Variants in LAMA2 observed in about 807,000 individuals in gnomAD.
LAMA2 encodes laminin subunit alpha 2.
Under a neutral mutation model 364.8 loss-of-function variants are expected in LAMA2, and 269 were observed. That is an observed-to-expected ratio of 0.74 (90% CI 0.67 to 0.82). The LOEUF is 0.82. Ranked by LOEUF, LAMA2 falls within the 40% of genes least tolerant of loss-of-function variation. The pLI is 0.00. For synonymous variants in LAMA2, 1,379 were observed against 1,370.6 expected (o/e 1.01, Z -0.14); for missense variants, 3,807 against 3,873.2 (o/e 0.98, Z 0.45).
At chr6:128,895,621 T>C (rs972943678) in intron 1 of LAMA2, among the ~76,000 whole-genome samples, 5 of 151,996 alleles carry the variant, frequency 3.3e-5, no homozygotes, top group Admixed American at 1.3e-4. Context: ...GCACTCCAGC[T>C]TGGGCAACAG....
intron 19 of LAMA2, among the ~76,000 whole-genome samples, chr6:129,290,206 C>T (rs926264463): frequency 6.6e-6 from 1 of 152,078 alleles, no homozygotes; most frequent in South Asian, 2.1e-4. Flanking sequence ...AAAGTGACTC[C>T]TAAAGTCTAA....
intron 1 of LAMA2, among the ~76,000 whole-genome samples, chr6:128,884,441 T>C (rs1018592373): frequency 6.6e-6 from 1 of 152,240 alleles, no homozygotes; most frequent in African/African-American, 2.4e-5. Context: ...AGTTTTGAAG[T>C]ATACTTATCC....
chr6:129,451,642 T>A (rs1410236054), intron 45 of LAMA2, among the ~76,000 whole-genome samples: 4 of 152,184 alleles, frequency 2.6e-5, no homozygotes, highest in East Asian at 3.9e-4. Flanking sequence ...GTGGGAGACG[T>A]AACAGATCTT....
intron 12 of LAMA2, among the ~76,000 whole-genome samples, chr6:129,224,689 T>A (rs1361324293): frequency 6.6e-6 from 1 of 152,228 alleles, no homozygotes; most frequent in African/African-American, 2.4e-5. Flanking sequence ...GAAGCCCACT[T>A]GATCGTGGTG....
chr6:129,278,642 G>T (rs370106278), intron 17 of LAMA2, among the ~76,000 whole-genome samples: 1 of 152,042 alleles, frequency 6.6e-6, no homozygotes, highest in Non-Finnish European at 1.5e-5. Flanking sequence ...TTCTTTACTC[G>T]CAGTGCACAC....
chr6:129,206,433 A>C (rs935563017), intron 12 of LAMA2, among the ~76,000 whole-genome samples: 1 of 152,206 alleles, frequency 6.6e-6, no homozygotes, highest in Non-Finnish European at 1.5e-5. Context: ...ATTACAAACT[A>C]TTGCTTTTCT....
At chr6:129,413,449 T>C (rs193151506) in intron 40 of LAMA2, among the ~76,000 whole-genome samples, 1 of 152,232 alleles carries the variant, frequency 6.6e-6, no homozygotes, top group East Asian at 1.9e-4. Flanking sequence ...TATAGAACTC[T>C]ATGTCAACTA....
chr6:129,205,142 C>G (rs574644692), intron 12 of LAMA2, among the ~76,000 whole-genome samples: 1 of 151,964 alleles, frequency 6.6e-6, no homozygotes, highest in Admixed American at 6.6e-5. Context: ...GTAATCCCAG[C>G]ACTTTGGGAG....
intron 28 of LAMA2, among the ~76,000 whole-genome samples, chr6:129,327,046 C>T (rs1775346530): frequency 1.3e-5 from 2 of 151,702 alleles, no homozygotes; most frequent in South Asian, 2.1e-4. Flanking sequence ...ATTATGTCCA[C>T]CATAAGACAA....
intron 7 of LAMA2, among the ~76,000 whole-genome samples, chr6:129,153,199 A>G (rs2114974247): frequency 6.6e-6 from 1 of 152,358 alleles, no homozygotes; most frequent in East Asian, 1.9e-4. Context: ...GGAGGAAGAA[A>G]AGAAGAAAAA....
chr6:129,456,411 T>G lies in LAMA2; in HGVS notation c.6784T>G (p.Ser2262Ala), dbSNP rs752121048. 1 of 1,613,528 alleles carries G rather than the reference T, an allele frequency of 6.2e-7. No homozygotes were observed. The highest frequency in any genetic ancestry group is 8.5e-7 in the Non-Finnish European group (1 of 1,179,578). The change falls in exon 48 of 65, where the codon TCG becomes GCG. Residue 2262 changes from serine to alanine, a missense_variant. This residue lies in a region of LAMA2 where 3,333 missense variants were observed against 3,345.7 expected (regional missense o/e 1.00). Coordinates refer to ENST00000421865, the MANE Select transcript of LAMA2 (RefSeq NM_000426.4). The part of the protein sequence containing the change: ...KASIVPSTHH[S>A]TSPPGYTILD... ...CAGCATTGTGCCCAGCACACACCAT[T>G]CGACGTCTCCTCCAGGGTACACGAT...
chr6:129,177,687 G>A lies in LAMA2; in HGVS notation c.1307-19G>A, dbSNP rs745917723. 2 of 1,612,886 alleles carry A rather than the reference G, an allele frequency of 1.2e-6. No individual in the cohort carries two copies. The highest frequency in any genetic ancestry group is 3.3e-5 in the Admixed American group (2 of 59,916). On this transcript the variant is annotated intron_variant, in intron 9 of 64. Transcript: ENST00000421865. Reference sequence around the variant, plus strand: ...GTACTTGTTTTAGAAATGTTGATATGTGGCTCATCTTTCTTTAGGTTTGGC... The same window carrying A: ...GTACTTGTTTTAGAAATGTTGATATATGGCTCATCTTTCTTTAGGTTTGGC...
At chr6:129,455,607 A>G (rs1342666754) in intron 47 of LAMA2, among the ~76,000 whole-genome samples, 1 of 152,188 alleles carries the variant, frequency 6.6e-6, no homozygotes, top group Non-Finnish European at 1.5e-5. Flanking sequence ...CTCAAAAGAG[A>G]GACCAGATTT....
intron 1 of LAMA2, among the ~76,000 whole-genome samples, chr6:129,010,670 T>C (rs1407777909): frequency 6.6e-6 from 1 of 152,192 alleles, no homozygotes; most frequent in Non-Finnish European, 1.5e-5. Flanking sequence ...TAATGGGCAG[T>C]GGGGAGAGAA....
intron 55 of LAMA2, among the ~76,000 whole-genome samples, chr6:129,482,476 T>C (rs1013689495): frequency 1.3e-5 from 2 of 152,152 alleles, no homozygotes; most frequent in Non-Finnish European, 2.9e-5. Context: ...AATGAAAGGG[T>C]TCATAGGAAT....
chr6:129,196,610 T>A (rs966051161), intron 12 of LAMA2, among the ~76,000 whole-genome samples: 1 of 152,196 alleles, frequency 6.6e-6, no homozygotes, highest in Admixed American at 6.5e-5. Context: ...TCCATAGTCC[T>A]CAAAATTATT....
intron 1 of LAMA2, among the ~76,000 whole-genome samples, chr6:128,975,296 C>A (rs952484614): frequency 2.0e-5 from 3 of 152,084 alleles, no homozygotes. Flanking sequence ...AAGGAAGTGG[C>A]AATTAACCTG....
intron 1 of LAMA2, among the ~76,000 whole-genome samples, chr6:128,936,688 T>C (rs1246311027): frequency 6.6e-6 from 1 of 152,138 alleles, no homozygotes; most frequent in African/African-American, 2.4e-5. Context: ...TCTCTCTCAC[T>C]CCCCCTCAAA....
intron 20 of LAMA2, among the ~76,000 whole-genome samples, chr6:129,293,288 T>C (rs1025891964): frequency 1.3e-5 from 2 of 152,342 alleles, no homozygotes; most frequent in African/African-American, 4.8e-5. Context: ...AAACTTTCAA[T>C]TAACCAAACT....
Sources: gnomAD v4.1 joint callset for allele counts (sites outside exome capture counted in the v4.1 genomes callset) on GRCh38, gnomAD v4.1.1 for gene constraint, gnomAD v4.1.1 regional missense constraint, MANE v1.5 for transcripts, NCBI Gene and HGNC (gene_info 2026-07-23, HGNC 2026-07-21) for gene names.